The following TSPAN7 variants were observed in gnomAD, a reference collection of about 807,000 sequenced individuals.
The protein encoded by TSPAN7 is tetraspanin-7.
In TSPAN7, 1 loss-of-function variant was observed where a neutral mutation model predicts 17.6. That is an observed-to-expected ratio of 0.06 (90% confidence interval 0.02 to 0.27). The LOEUF is 0.27. Ranked by LOEUF, TSPAN7 falls within the 10% of genes least tolerant of loss-of-function variation. The pLI is 1.00. For synonymous variants in TSPAN7, 78 were observed against 79.0 expected (o/e 0.99, Z 0.07); for missense variants, 112 against 201.7 (o/e 0.56, Z 2.69).
chrX:38,610,579 C>A (rs980592733), intron 1 of TSPAN7, among the ~76,000 whole-genome samples: 1 of 111,468 alleles, frequency 9.0e-6, no homozygotes, highest in Non-Finnish European at 1.9e-5. Flanking sequence ...GAGACCCAAG[C>A]ACCAGTAGTT....
In TSPAN7 at chrX:38,675,795, G is replaced by A. The variant is rs868193702; in HGVS notation, c.532G>A (p.Glu178Lys). ...HGIPPSCCMN[E>K]TDCNPQDLHN... The stretch of plus-strand genomic sequence containing the variant: ...CATCCCCCCCAGCTGCTGCATGAAC[G>A]AAACTGATTGTAATCCCCAGGATCT... The change falls in exon 5 of 8, where the codon GAA (glutamate) becomes AAA (lysine). Residue 178 changes from glutamate (E) to lysine (K), a missense_variant. Glu to Lys is a moderately conservative substitution (Grantham distance 56, BLOSUM62 1). Transcript: ENST00000378482. 1.4e-5 allele frequency: 17 copies of A among 1,189,280 alleles called. No individual in the cohort carries two copies. The highest frequency in any genetic ancestry group is 4.6e-5 in the Admixed American group (2 of 43,689).
In TSPAN7 at chrX:38,688,013, T is replaced by C; in HGVS notation, c.*82T>C. 5.6e-6 allele frequency: 1 copy of C among 179,428 alleles called. No homozygotes were observed. The allele number at this position is 179,428 out of a possible 1,213,427, so 14.8% of individuals were successfully genotyped here. Reference sequence around the variant, plus strand: ...CAATCTTTGAAAGACTTCCAAAGAATGTTAGAGCACAGTACATAATACACT... The same window carrying C: ...CAATCTTTGAAAGACTTCCAAAGAACGTTAGAGCACAGTACATAATACACT... On this transcript the variant is annotated 3_prime_UTR_variant, in exon 8 of 8. Transcript: ENST00000378482.
intron 1 of TSPAN7, among the ~76,000 whole-genome samples, chrX:38,585,320 A>G (rs1046785316): frequency 6.3e-5 from 7 of 111,385 alleles, no homozygotes; most frequent in Non-Finnish European, 1.1e-4. Context: ...TATTTTTCCA[A>G]TCTGGTAGAT....
chrX:38,682,598 A>G (rs1219656918), intron 6 of TSPAN7, among the ~76,000 whole-genome samples: 1 of 112,256 alleles, frequency 8.9e-6, no homozygotes, highest in African/African-American at 3.2e-5. Context: ...GCCAACACAA[A>G]TATGTTTCTT....
At chrX:38,576,506 GTAAGAT>G (rs1323418146) in intron 1 of TSPAN7, among the ~76,000 whole-genome samples, 50 of 112,178 alleles carry the variant, frequency 4.5e-4, no homozygotes, top group African/African-American at 1.6e-3. Context: ...AAATATACTA[GTAAGAT>G]TAATTTCACC....
intron 1 of TSPAN7, among the ~76,000 whole-genome samples, chrX:38,562,238 TC>T (rs948637464): frequency 3.6e-5 from 4 of 110,626 alleles, no homozygotes; most frequent in African/African-American, 1.3e-4. Context: ...AGGGAGAGGG[TC>T]TTACATAAGC....
intron 1 of TSPAN7, among the ~76,000 whole-genome samples, chrX:38,650,703 T>A (rs2069671404): frequency 8.9e-6 from 1 of 112,288 alleles, no homozygotes; most frequent in Non-Finnish European, 1.9e-5. Flanking sequence ...TTTTGGTGAC[T>A]CTTGGGGAAG....
At chrX:38,649,533 C>T (rs1211089317) in intron 1 of TSPAN7, among the ~76,000 whole-genome samples, 1 of 111,439 alleles carries the variant, frequency 9.0e-6, no homozygotes, top group African/African-American at 3.3e-5. Flanking sequence ...AAGGGCCTGG[C>T]CTCCTGAGAA....
At chrX:38,660,073 C>A (rs1378376084) in intron 1 of TSPAN7, among the ~76,000 whole-genome samples, 3 of 109,809 alleles carry the variant, frequency 2.7e-5, no homozygotes, top group African/African-American at 1.0e-4. Context: ...GTGATCCGCC[C>A]ACCTCTGCCT....
intron 1 of TSPAN7, among the ~76,000 whole-genome samples, chrX:38,566,614 C>T (rs1254991752): frequency 8.9e-6 from 1 of 111,767 alleles, no homozygotes; most frequent in Non-Finnish European, 1.9e-5. Flanking sequence ...GCAGATTTCA[C>T]AAGGACTTGC....
At chrX:38,682,231 C>T (rs762494084) in intron 6 of TSPAN7, among the ~76,000 whole-genome samples, 6 of 111,630 alleles carry the variant, frequency 5.4e-5, no homozygotes, top group Non-Finnish European at 1.1e-4. Context: ...TACAACAAAC[C>T]ACAACTCTAA....
intron 1 of TSPAN7, among the ~76,000 whole-genome samples, chrX:38,661,990 T>G (rs1036464606): frequency 9.0e-6 from 1 of 111,725 alleles, no homozygotes; most frequent in African/African-American, 3.3e-5. Context: ...CTTGGGCTTA[T>G]CTTTGTATGG....
Position 38,601,738 on chromosome X carries a change from T to C in TSPAN7, c.81+40111T>C, listed in dbSNP as rs958390821. On this transcript the variant is annotated intron_variant, in intron 1 of 7. Coordinates refer to ENST00000378482, the MANE Select transcript of TSPAN7 (RefSeq NM_004615.4). ...CAAACTTCGCAGCTGAAGACAATAA[T>C]TTATTTGTTCACAATTAGGCAAGTT... Among the ~76,000 whole-genome samples the C allele has an allele frequency of 2.7e-5, 3 of 111,769 alleles. No individual in the cohort carries two copies. In the East Asian group the frequency reaches 8.5e-4, roughly 32 times the overall value.
chrX:38,599,589 A>C (rs1327764082), intron 1 of TSPAN7, among the ~76,000 whole-genome samples: 1 of 111,541 alleles, frequency 9.0e-6, no homozygotes, highest in African/African-American at 3.3e-5. Context: ...ACAAATAGCC[A>C]GCCTTTTTTG....
At chrX:38,587,348 T>C (rs748358317) in intron 1 of TSPAN7, among the ~76,000 whole-genome samples, 2 of 112,438 alleles carry the variant, frequency 1.8e-5, no homozygotes, top group East Asian at 5.6e-4. Context: ...TTGTTTAATC[T>C]GCTTTGTTGT....
intron 1 of TSPAN7, among the ~76,000 whole-genome samples, chrX:38,609,187 G>A (rs1413062991): frequency 1.8e-5 from 2 of 112,030 alleles, no homozygotes; most frequent in Non-Finnish European, 3.8e-5. Context: ...TTTAAGAAGC[G>A]ATTTTGTGGC....
At chrX:38,614,841 G>A in intron 1 of TSPAN7, among the ~76,000 whole-genome samples, 1 of 112,242 alleles carries the variant, frequency 8.9e-6, no homozygotes. Context: ...TGGCCACAAG[G>A]CTAGGTAACT....
intron 1 of TSPAN7, chrX:38,570,621 G>A (rs185271590): frequency 8.9e-6 from 1 of 111,932 alleles, no homozygotes; most frequent in African/African-American, 3.2e-5. Flanking sequence ...TTAAACTCTT[G>A]ACATAGATGA....
chrX:38,577,343 C>A (rs995518868), intron 1 of TSPAN7, among the ~76,000 whole-genome samples: 1 of 111,034 alleles, frequency 9.0e-6, no homozygotes, highest in Admixed American at 9.6e-5. Context: ...TACTTCCTCA[C>A]CCTCCCCACC....
Sources: gnomAD v4.1 joint callset for allele counts (sites outside exome capture counted in the v4.1 genomes callset) on GRCh38, gnomAD v4.1.1 for gene constraint, MANE v1.5 for transcripts, NCBI Gene and HGNC (gene_info 2026-07-23, HGNC 2026-07-21) for gene names.